Variants in ROR1 observed in about 807,000 individuals in gnomAD.
ROR1 encodes ROR family WNT receptor 1, also known as inactive tyrosine-protein kinase transmembrane receptor ROR1.
ROR1 carries 19 observed loss-of-function variants against 78.8 expected under a neutral mutation model. That is an observed-to-expected ratio of 0.24 (90% CI 0.17 to 0.35). ROR1 has a LOEUF of 0.35. Among genes scored for constraint, ROR1 ranks in the 10% least tolerant of loss-of-function variants. The pLI is 1.00. For missense variants in ROR1, 917 were observed against 1,177.8 expected (o/e 0.78, Z 3.24); for synonymous variants, 386 against 433.6 (o/e 0.89, Z 1.36).
intron 2 of ROR1, among the ~76,000 whole-genome samples, chr1:64,043,532 G>C (rs1452931174): frequency 6.6e-6 from 1 of 152,184 alleles, no homozygotes; most frequent in Non-Finnish European, 1.5e-5. Context: ...CATTCTCAAT[G>C]ATGACTTCCA....
At chr1:64,168,243 C>T (rs1284348601) in intron 8 of ROR1, among the ~76,000 whole-genome samples, 2 of 152,172 alleles carry the variant, frequency 1.3e-5, no homozygotes. Context: ...CTTAACTGAC[C>T]TGTTCTTTGG....
intron 1 of ROR1, chr1:63,843,586 C>T (rs922617866): frequency 5.7e-6 from 4 of 705,750 alleles, no homozygotes; most frequent in Non-Finnish European, 1.0e-5. Context: ...AAGAGCACCA[C>T]CTTCTTGAGC....
chr1:63,994,888 T>C (rs184250788), intron 1 of ROR1, among the ~76,000 whole-genome samples: 1 of 142,646 alleles, frequency 7.0e-6, no homozygotes, highest in East Asian at 1.9e-4. Context: ...CACAGTAGCT[T>C]TGGTCGTTCC....
At chr1:64,042,038 G>T (rs188133050) in intron 2 of ROR1, among the ~76,000 whole-genome samples, 2 of 152,254 alleles carry the variant, frequency 1.3e-5, no homozygotes, top group Admixed American at 6.5e-5. Context: ...GTAAACAAGG[G>T]ATTGTAGTGG....
intron 4 of ROR1, 110 bp downstream of exon 4, chr1:64,050,826 C>A: frequency 9.2e-7 from 1 of 1,084,604 alleles, no homozygotes; most frequent in South Asian, 1.3e-5. Flanking sequence ...TTCCAGATGT[C>A]ATTCCATTTT....
chr1:63,948,926 C>A (rs1261998596), intron 1 of ROR1, among the ~76,000 whole-genome samples: 1 of 152,124 alleles, frequency 6.6e-6, no homozygotes, highest in Non-Finnish European at 1.5e-5. Context: ...TGTGTATAAG[C>A]CACACGGTCT....
chr1:64,070,884 G>A (rs762739901), intron 4 of ROR1, among the ~76,000 whole-genome samples: 1 of 152,200 alleles, frequency 6.6e-6, no homozygotes, highest in Non-Finnish European at 1.5e-5. Flanking sequence ...GTAATGTCTG[G>A]GGGTAGGAAA....
At chr1:64,176,019 T>C (rs1650369148) in intron 8 of ROR1, among the ~76,000 whole-genome samples, 1 of 152,250 alleles carries the variant, frequency 6.6e-6, no homozygotes, top group African/African-American at 2.4e-5. Context: ...TTGTTTTTAT[T>C]ACTTTCTTTT....
intron 1 of ROR1, among the ~76,000 whole-genome samples, chr1:63,926,255 C>T (rs1398370672): frequency 6.7e-6 from 1 of 148,528 alleles, no homozygotes; most frequent in African/African-American, 2.5e-5. Flanking sequence ...TTCCCAGCAC[C>T]ATTTATTAAA....
chr1:64,044,759 C>G lies in ROR1; in HGVS notation c.164-4932C>G, dbSNP rs548969954. 6.6e-5 allele frequency among the ~76,000 whole-genome samples: 10 copies of G among 152,212 alleles called. No individual in the cohort carries two copies. The South Asian group carries it at 1.9e-3, about 28-fold the overall frequency. ...CTTTAAAATGAGGAAAATGAACCTG[C>G]CGCTTGAAGGAAACAGTAGTATTAA... On this transcript the variant is annotated intron_variant, in intron 2 of 8. Coordinates refer to ENST00000371079, the MANE Select transcript of ROR1 (RefSeq NM_005012.4).
intron 2 of ROR1, among the ~76,000 whole-genome samples, chr1:64,014,872 T>C (rs547053677): frequency 2.7e-5 from 4 of 148,026 alleles, no homozygotes; most frequent in African/African-American, 7.5e-5. Flanking sequence ...ACATGGGCTC[T>C]AAAGTTACTA....
intron 2 of ROR1, among the ~76,000 whole-genome samples, chr1:64,035,953 G>A (rs756725435): frequency 3.3e-5 from 5 of 152,136 alleles, no homozygotes; most frequent in Non-Finnish European, 4.4e-5. Flanking sequence ...TAATCAAAGA[G>A]TCTTAACAAA....
chr1:64,095,374 A>G (rs900869732), intron 4 of ROR1, among the ~76,000 whole-genome samples: 1 of 152,226 alleles, frequency 6.6e-6, no homozygotes, highest in South Asian at 2.1e-4. Context: ...TAGCAATAAG[A>G]TAGATAATTA....
At chr1:64,104,034 G>A (rs763072759) in intron 4 of ROR1, among the ~76,000 whole-genome samples, 1 of 152,104 alleles carries the variant, frequency 6.6e-6, no homozygotes, top group African/African-American at 2.4e-5. Context: ...AGGCCAGCTC[G>A]CTCCAACAAA....
At chr1:64,158,008 A>C (rs2100728645) in intron 7 of ROR1, among the ~76,000 whole-genome samples, 1 of 152,354 alleles carries the variant, frequency 6.6e-6, no homozygotes, top group South Asian at 2.1e-4. Context: ...GCATGTCATT[A>C]TGTAACCCCT....
intron 6 of ROR1, among the ~76,000 whole-genome samples, chr1:64,141,316 A>G (rs1426856923): frequency 1.3e-5 from 2 of 151,758 alleles, no homozygotes; most frequent in African/African-American, 4.9e-5. Flanking sequence ...CTTCTGCAGA[A>G]GGTGAACGGA....
chr1:63,836,702 G>A (rs1346906998), intron 1 of ROR1, among the ~76,000 whole-genome samples: 1 of 152,144 alleles, frequency 6.6e-6, no homozygotes, highest in Non-Finnish European at 1.5e-5. Flanking sequence ...TATTTAAAGA[G>A]GTTAACATTC....
chr1:64,151,638 C>T (rs112949820), intron 7 of ROR1, among the ~76,000 whole-genome samples: 25 of 151,138 alleles, frequency 1.7e-4, no homozygotes, highest in Admixed American at 2.0e-4. Flanking sequence ...TTTGGGAGGC[C>T]GAGGCGGGCA....
chr1:64,028,751 G>A (rs745646991), intron 2 of ROR1: 2 of 152,068 alleles, frequency 1.3e-5, no homozygotes, highest in Admixed American at 6.6e-5. Context: ...TGGAAAATTG[G>A]TTATCTATTC....
Sources: allele counts gnomAD v4.1 joint callset (sites outside exome capture counted in the v4.1 genomes callset), GRCh38; gene constraint gnomAD v4.1.1; transcripts MANE v1.5; gene names NCBI Gene and HGNC (gene_info 2026-07-23, HGNC 2026-07-21).